CMSS1: variants seen among roughly 807,000 people sequenced by gnomAD.
The protein encoded by CMSS1 is cms1 ribosomal small subunit homolog, also known as protein CMSS1.
A neutral mutation model predicts 43.5 loss-of-function variants in CMSS1; 33 were observed. The observed-to-expected ratio is 0.76, with a 90% CI of 0.57 to 1.01. The LOEUF (loss-of-function observed/expected upper bound fraction) is 1.01. CMSS1 is among the 50% of genes least tolerant of loss of function. The probability of loss-of-function intolerance (pLI) is 0.00; values close to 1 mark genes in which losing one functional copy is unlikely to be tolerated. For missense variants in CMSS1, 313 were observed against 326.4 expected (o/e 0.96, Z 0.32); for synonymous variants, 115 against 117.2 (o/e 0.98, Z 0.12).
At chr3:100,017,143 C>G (rs993305011) in intron 1 of CMSS1, among the ~76,000 whole-genome samples, 1 of 152,090 alleles carries the variant, frequency 6.6e-6, no homozygotes, top group Non-Finnish European at 1.5e-5. Context: ...TGTTTGTCAT[C>G]AAAAATCAGA....
intron 1 of CMSS1, among the ~76,000 whole-genome samples, chr3:99,983,092 C>G (rs1709175699): frequency 6.6e-6 from 1 of 151,908 alleles, no homozygotes; most frequent in African/African-American, 2.4e-5. Flanking sequence ...ATTAAAAATG[C>G]CTTTCTTTCA....
intron 1 of CMSS1, among the ~76,000 whole-genome samples, chr3:100,050,563 G>C (rs547212667): frequency 2.0e-5 from 3 of 152,000 alleles, no homozygotes; most frequent in African/African-American, 4.8e-5. Context: ...ACAGAGTCTC[G>C]CTCTATTGCC....
chr3:100,071,651 G>C, intron 1 of CMSS1, among the ~76,000 whole-genome samples: 1 of 152,116 alleles, frequency 6.6e-6, no homozygotes, highest in East Asian at 1.9e-4. Context: ...CTTTATCCTG[G>C]ACAGATCTTC....
chr3:100,082,815 T>TA (rs2065952422), intron 1 of CMSS1, among the ~76,000 whole-genome samples: 2 of 152,222 alleles, frequency 1.3e-5, no homozygotes, highest in African/African-American at 4.8e-5. Context: ...GTCATAGACT[T>TA]ACCTTCGTTG....
chr3:100,173,539 A>C (rs925453952), intron 8 of CMSS1, among the ~76,000 whole-genome samples: 1 of 152,200 alleles, frequency 6.6e-6, no homozygotes, highest in Non-Finnish European at 1.5e-5. Context: ...GATCGATAGC[A>C]TGAGGCAGTA....
At position 100,115,733 on chromosome 3, in the gene CMSS1, A is replaced by G. The variant is rs2066561411; in HGVS notation, c.65-31240A>G. ...TTTAGTGTGATTATCTTAAAAATGT[A>G]AGTATACTCTTCTACATAACCACAG... On this transcript the variant is annotated intron_variant, in intron 1 of 9. Coordinates refer to ENST00000421999, the MANE Select transcript of CMSS1 (RefSeq NM_032359.4). Among the ~76,000 whole-genome samples the G allele has an allele frequency of 3.3e-5, 5 of 152,204 alleles. No individual in the cohort carries two copies. In the South Asian group the frequency reaches 1.0e-3, roughly 32 times the overall value.
At chr3:99,911,703 A>G (rs75403812) in intron 1 of CMSS1, among the ~76,000 whole-genome samples, 2,133 of 152,288 alleles carry the variant, frequency 0.014, 30 homozygotes, top group South Asian at 0.021. Context: ...GAGCTAATCC[A>G]TCTTTCTAAT....
intron 1 of CMSS1, chr3:100,141,502 A>G (rs1208508699): frequency 2.2e-6 from 1 of 454,260 alleles, no homozygotes; most frequent in East Asian, 7.0e-5. Context: ...ATTTTAAAGA[A>G]CAATTGACTG....
intron 1 of CMSS1, among the ~76,000 whole-genome samples, chr3:100,061,252 C>T (rs2065560648): frequency 6.6e-6 from 1 of 152,188 alleles, no homozygotes; most frequent in South Asian, 2.1e-4. Flanking sequence ...TCTGTACACA[C>T]TGAGTATGTT....
intron 1 of CMSS1, among the ~76,000 whole-genome samples, chr3:99,868,967 A>G (rs1006678784): frequency 2.6e-5 from 4 of 152,198 alleles, no homozygotes; most frequent in African/African-American, 9.6e-5. Context: ...AAGGAATAAT[A>G]CCTCTGTATC....
chr3:99,894,883 G>A (rs1706198982), intron 1 of CMSS1, among the ~76,000 whole-genome samples: 1 of 152,170 alleles, frequency 6.6e-6, no homozygotes, highest in Non-Finnish European at 1.5e-5. Flanking sequence ...TAGAGTTCAA[G>A]CTATATTTAG....
intron 1 of CMSS1, among the ~76,000 whole-genome samples, chr3:100,133,963 T>G (rs1014061113): frequency 2.6e-5 from 4 of 152,196 alleles, no homozygotes; most frequent in African/African-American, 9.6e-5. Context: ...CATTATGTAT[T>G]AATAGTATAA....
chr3:99,987,990 T>C (rs1709396284), intron 1 of CMSS1, among the ~76,000 whole-genome samples: 1 of 152,146 alleles, frequency 6.6e-6, no homozygotes, highest in Admixed American at 6.5e-5. Context: ...GAATAGCTCT[T>C]TTTTCTCTAA....
chr3:99,953,056 T>A (rs918423519), intron 1 of CMSS1, among the ~76,000 whole-genome samples: 5 of 152,192 alleles, frequency 3.3e-5, no homozygotes, highest in African/African-American at 4.8e-5. Flanking sequence ...AGAACTTTTT[T>A]AAAAATTGTC....
intron 1 of CMSS1, among the ~76,000 whole-genome samples, chr3:99,869,987 T>G (rs1049471883): frequency 9.9e-5 from 15 of 152,088 alleles, no homozygotes; most frequent in African/African-American, 2.9e-4. Flanking sequence ...CTTTTCTCCA[T>G]TTACATGTGG....
At chr3:99,919,089 G>A (rs1376442926) in intron 1 of CMSS1, among the ~76,000 whole-genome samples, 1 of 152,054 alleles carries the variant, frequency 6.6e-6, no homozygotes, top group Admixed American at 6.5e-5. Context: ...TATACCCACT[G>A]TGTATTGCTT....
At chr3:99,973,210 A>G (rs1708873268) in intron 1 of CMSS1, among the ~76,000 whole-genome samples, 1 of 152,246 alleles carries the variant, frequency 6.6e-6, no homozygotes, top group Non-Finnish European at 1.5e-5. Flanking sequence ...ATATAGAAAC[A>G]TCATAAACAA....
intron 1 of CMSS1, among the ~76,000 whole-genome samples, chr3:99,924,708 G>T (rs1707235793): frequency 6.6e-6 from 1 of 152,098 alleles, no homozygotes; most frequent in Non-Finnish European, 1.5e-5. Context: ...TTTTAGTAGA[G>T]ACAGGGTTTC....
At chr3:99,865,020 T>G (rs1354393055) in intron 1 of CMSS1, among the ~76,000 whole-genome samples, 1 of 152,178 alleles carries the variant, frequency 6.6e-6, no homozygotes. Context: ...ATTCAATAAA[T>G]ATTTGAACAA....
Sources: gnomAD v4.1 joint callset for allele counts (sites outside exome capture counted in the v4.1 genomes callset) on GRCh38, gnomAD v4.1.1 for gene constraint, MANE v1.5 for transcripts, NCBI Gene and HGNC (gene_info 2026-07-23, HGNC 2026-07-21) for gene names.